Variants in WDFY4 observed in about 807,000 individuals in gnomAD.
The protein encoded by WDFY4 is WDFY family member 4.
WDFY4 carries 169 observed loss-of-function variants against 351.9 expected under a neutral mutation model. The observed-to-expected ratio is 0.48, with a 90% CI of 0.42 to 0.55. The LOEUF (loss-of-function observed/expected upper bound fraction) is 0.55. Among genes scored for constraint, WDFY4 ranks in the 20% least tolerant of loss-of-function variants. The pLI is 0.00. For missense variants in WDFY4, 3,803 were observed against 3,935.6 expected, an observed-to-expected ratio of 0.97 and a Z score of 0.90; for synonymous variants, 1,622 against 1,574.6, an observed-to-expected ratio of 1.03 and a Z score of -0.71.
chr10:48,800,658 T>G (rs1296592028), intron 24 of WDFY4, among the ~76,000 whole-genome samples: 1 of 150,996 alleles, frequency 6.6e-6, no homozygotes, highest in Non-Finnish European at 1.5e-5. Context: ...GGCTTCTAAG[T>G]CTTAGGTTTT....
intron 47 of WDFY4, among the ~76,000 whole-genome samples, chr10:48,903,980 G>A (rs911744340): frequency 5.3e-5 from 8 of 152,222 alleles, no homozygotes; most frequent in Non-Finnish European, 1.2e-4. Flanking sequence ...AGCAGAAACT[G>A]TAGGTGTGGA....
Position 48,820,394 on chromosome 10 carries a change from C to A in WDFY4, c.5666C>A (p.Ala1889Asp), listed in dbSNP as rs992584007. 13 of 1,551,488 alleles carry A rather than the reference C, an allele frequency of 8.4e-6. No individual in the cohort carries two copies. The highest frequency in any genetic ancestry group is 1.1e-5 in the Non-Finnish European group (13 of 1,147,004). ...QLLLRELLLG[A>D]SSPKQWLPLE... is the part of the protein sequence containing the mutation. ...CTCTTGAGGGAGCTCCTGCTTGGAGCCTCCAGCCCCAAGCAGTGGCTGCCC... is the reference window on the plus strand; with the variant it reads ...CTCTTGAGGGAGCTCCTGCTTGGAGACTCCAGCCCCAAGCAGTGGCTGCCC... The change falls in exon 33 of 62, where the codon GCC becomes GAC. Residue 1889 changes from alanine (A) to aspartate (D), a missense_variant. Coordinates refer to ENST00000325239, the MANE Select transcript of WDFY4 (RefSeq NM_001394531.1).
chr10:48,954,745 C>T (rs1248573127), intron 51 of WDFY4, among the ~76,000 whole-genome samples: 2 of 152,124 alleles, frequency 1.3e-5, no homozygotes, highest in Non-Finnish European at 2.9e-5. Context: ...TTTTGTATTG[C>T]AGAAGTGAGA....
chr10:48,950,857 G>A (rs1391973352), intron 51 of WDFY4, among the ~76,000 whole-genome samples: 1 of 152,236 alleles, frequency 6.6e-6, no homozygotes, highest in East Asian at 1.9e-4. Flanking sequence ...TGTGTGTGCA[G>A]CATGGCCCCT....
intron 10 of WDFY4, among the ~76,000 whole-genome samples, chr10:48,734,311 T>G (rs545063116): frequency 6.6e-6 from 1 of 152,208 alleles, no homozygotes; most frequent in South Asian, 2.1e-4. Flanking sequence ...ATGAGAAAAA[T>G]TTATTAGTGT....
At chr10:48,791,276 G>T (rs915830084) in intron 23 of WDFY4, among the ~76,000 whole-genome samples, 1 of 152,202 alleles carries the variant, frequency 6.6e-6, no homozygotes, top group Non-Finnish European at 1.5e-5. Context: ...CTTCTAATTT[G>T]CTATTTAACC....
At chr10:48,808,405 T>C (rs1288026411) in intron 28 of WDFY4, among the ~76,000 whole-genome samples, 2 of 152,210 alleles carry the variant, frequency 1.3e-5, no homozygotes, top group African/African-American at 4.8e-5. Flanking sequence ...GAAAAAGAAG[T>C]ATCTACCGTC....
At chr10:48,723,407 G>T in intron 4 of WDFY4, 26 bp from the exon 5 acceptor site, 3 of 1,546,982 alleles carry the variant, frequency 1.9e-6, no homozygotes, top group Non-Finnish European at 1.7e-6. Flanking sequence ...TTGCTGCCTG[G>T]GGTCACGTGT....
At chr10:48,880,826 G>C (rs1268194662) in intron 43 of WDFY4, among the ~76,000 whole-genome samples, 2 of 152,170 alleles carry the variant, frequency 1.3e-5, no homozygotes, top group African/African-American at 4.8e-5. Context: ...AGTTTCCCCA[G>C]GGTCAGTGAA....
Position 48,902,293 on chromosome 10 carries a change from G to A in WDFY4, c.7586+430G>A, listed in dbSNP as rs187198460. ...GGTGTGCGAATCAGACATTAATTTA[G>A]GAATCTGTGCTATGGGGCGTCTCTC... On this transcript the variant is annotated intron_variant, in intron 47 of 61. Transcript: ENST00000325239. 2.0e-5 allele frequency among the ~76,000 whole-genome samples: 3 copies of A among 152,324 alleles called. No individual in the cohort carries two copies. The East Asian group carries it at 5.8e-4, about 29-fold the overall frequency.
At chr10:48,782,839 T>C (rs995987034) in intron 19 of WDFY4, among the ~76,000 whole-genome samples, 1 of 152,182 alleles carries the variant, frequency 6.6e-6, no homozygotes, top group Non-Finnish European at 1.5e-5. Flanking sequence ...GGGAACGATA[T>C]GAGACATTAG....
intron 16 of WDFY4, 59 bp downstream of exon 16, chr10:48,777,043 G>T: frequency 7.4e-6 from 11 of 1,485,396 alleles, no homozygotes; most frequent in Non-Finnish European, 1.0e-5. Flanking sequence ...TGCCTCTGAT[G>T]AATTATAATA....
chr10:48,820,882 G>T (rs1254379245), intron 33 of WDFY4, among the ~76,000 whole-genome samples, 180 bp from the exon 34 acceptor site: 1 of 152,172 alleles, frequency 6.6e-6, no homozygotes, highest in African/African-American at 2.4e-5. Context: ...AGTGGGCGTT[G>T]CTTCCTGGAT....
chr10:48,884,563 T>C (rs1020529039), intron 43 of WDFY4, among the ~76,000 whole-genome samples: 8 of 146,876 alleles, frequency 5.4e-5, no homozygotes, highest in African/African-American at 2.0e-4. Flanking sequence ...CACACACACA[T>C]GCACACCTGA....
At position 48,690,959 on chromosome 10, in the gene WDFY4, C is replaced by T. The variant is rs117009939; in HGVS notation, c.-18+5958C>T. Among the ~76,000 whole-genome samples, 195 of 152,272 alleles carry T rather than the reference C, an allele frequency of 1.3e-3. 3 individuals carry two copies. In the East Asian group the frequency reaches 0.028, roughly 22 times the overall value. On this transcript the variant is annotated intron_variant, in intron 1 of 61. Transcript: ENST00000325239. The stretch of plus-strand genomic sequence containing the variant: ...CCTTGGCTTGAAGGTGGGACCTTAC[C>T]GGGGCCCTCCCCCACTCCACCCAGG...
At chr10:48,806,525 C>G (rs1426297638) in intron 27 of WDFY4, among the ~76,000 whole-genome samples, 1 of 152,246 alleles carries the variant, frequency 6.6e-6, no homozygotes, top group Non-Finnish European at 1.5e-5. Flanking sequence ...CCACCCCTCC[C>G]CCACTAGCCA....
rs530868775 is a variant in WDFY4, at chr10:48,890,911, G to A, written c.7316+184G>A. Among the ~76,000 whole-genome samples, 451 of 152,290 alleles carry A rather than the reference G, an allele frequency of 3.0e-3. 2 individuals are homozygous for A. The highest frequency in any genetic ancestry group is 0.011 in the African/African-American group (437 of 41,566). ...CCATCCATGGCCATGGTTCCCCTAA[G>A]CAGTGATCAGGACTGGGTACTAATG... is the stretch of plus-strand genomic sequence containing the variant. On this transcript the variant is annotated intron_variant, in intron 44 of 61. Transcript: ENST00000325239.
At chr10:48,687,611 C>CTTTTTTT (rs57413418) in intron 1 of WDFY4, among the ~76,000 whole-genome samples, 7 of 101,290 alleles carry the variant, frequency 6.9e-5, no homozygotes, top group Non-Finnish European at 9.4e-5. Context: ...ATAGGCCATT[C>CTTTTTTT]TTTTTTTTTT....
Position 48,828,885 on chromosome 10 carries a change from G to C in WDFY4, c.6329G>C (p.Ser2110Thr), listed in dbSNP as rs1174350646. 4.5e-6 allele frequency: 6 copies of C among 1,324,808 alleles called. No individual in the cohort carries two copies. In the East Asian group the frequency reaches 2.6e-4, roughly 56 times the overall value. 82.1% of individuals were successfully genotyped at this position (1,324,808 alleles called of 1,614,324 possible). Residue 2110 changes from serine (S) to threonine (T), a missense_variant, in exon 37 of 62, where the codon AGT becomes ACT. Physicochemically the swap from Ser to Thr is moderately conservative, Grantham distance 58. This residue lies in a region of WDFY4 where 3,054 missense variants were observed against 3,148.6 expected (regional missense o/e 0.97). Coordinates refer to ENST00000325239, the MANE Select transcript of WDFY4 (RefSeq NM_001394531.1). Reference sequence around the variant, plus strand: ...AAAGAAAAAAGAGAAGACTTACCAAGTTTGAGTGATGGTACATTTTATTTG... The same window carrying C: ...AAAGAAAAAAGAGAAGACTTACCAACTTTGAGTGATGGTACATTTTATTTG... The part of the protein sequence containing the change: ...DVKEKREDLP[S>T]LSDVQHNIQK...
Sources: gnomAD v4.1 joint callset for allele counts (sites outside exome capture counted in the v4.1 genomes callset) on GRCh38, gnomAD v4.1.1 for gene constraint, gnomAD v4.1.1 regional missense constraint, MANE v1.5 for transcripts, NCBI Gene and HGNC (gene_info 2026-07-23, HGNC 2026-07-21) for gene names.